DNAH7: variants seen among roughly 807,000 people sequenced by gnomAD.
DNAH7 encodes axonemal beta dynein heavy chain 7.
In DNAH7, 397 loss-of-function variants were observed where a neutral mutation model predicts 444.6. The observed-to-expected ratio is 0.89, with a 90% CI of 0.82 to 0.97. DNAH7 has a LOEUF of 0.97. Among genes scored for constraint, DNAH7 ranks in the 50% least tolerant of loss-of-function variants. The probability of loss-of-function intolerance (pLI) is 0.00; values close to 1 mark genes in which losing one functional copy is unlikely to be tolerated. For missense variants in DNAH7, 4,902 were observed against 4,800.8 expected (o/e 1.02, Z -0.62); for synonymous variants, 1,636 against 1,624.4 (o/e 1.01, Z -0.17).
chr2:196,065,748 T>G (rs1479227724), intron 1 of DNAH7, among the ~76,000 whole-genome samples: 1 of 152,198 alleles, frequency 6.6e-6, no homozygotes, highest in Non-Finnish European at 1.5e-5. Flanking sequence ...CTCATCAGGG[T>G]CTGAGAATAA....
intron 14 of DNAH7, 120 bp downstream of exon 14, chr2:195,986,946 A>C (rs1388353049): frequency 6.5e-6 from 6 of 922,946 alleles, no homozygotes; most frequent in Non-Finnish European, 6.2e-6. Flanking sequence ...TAAGTTTAGC[A>C]TAATCATTTC....
At chr2:195,770,048 T>C (rs1458208810) in intron 61 of DNAH7, among the ~76,000 whole-genome samples, 1 of 152,004 alleles carries the variant, frequency 6.6e-6, no homozygotes, top group Non-Finnish European at 1.5e-5. Context: ...CATTTAGGAG[T>C]TATCATTAAC....
chr2:195,828,059 C>G (rs1697868745), intron 48 of DNAH7, among the ~76,000 whole-genome samples: 1 of 152,088 alleles, frequency 6.6e-6, no homozygotes, highest in East Asian at 1.9e-4. Context: ...CCTTATCTAA[C>G]CTGGATTATT....
intron 58 of DNAH7, among the ~76,000 whole-genome samples, chr2:195,779,626 TGA>T (rs940149616): frequency 1.3e-5 from 2 of 152,190 alleles, no homozygotes; most frequent in African/African-American, 4.8e-5. Context: ...GTTTGTTTTT[TGA>T]GTCAGAGTCT....
intron 63 of DNAH7, among the ~76,000 whole-genome samples, chr2:195,745,783 T>C (rs985626775): frequency 3.3e-5 from 5 of 152,150 alleles, no homozygotes; most frequent in African/African-American, 4.8e-5. Context: ...TAAAATACTT[T>C]ACCGACAAGC....
At chr2:195,997,946 G>A (rs147814753) in intron 12 of DNAH7, among the ~76,000 whole-genome samples, 1 of 152,186 alleles carries the variant, frequency 6.6e-6, no homozygotes, top group East Asian at 1.9e-4. Flanking sequence ...CCTGGAATTT[G>A]GATCGTTCGT....
At position 196,014,406 on chromosome 2, in the gene DNAH7, C is replaced by T. The variant is rs1023448461; in HGVS notation, c.870-1500G>A. 7.9e-5 allele frequency among the ~76,000 whole-genome samples: 12 copies of T among 152,214 alleles called. No individual in the cohort carries two copies. In the South Asian group the frequency reaches 1.9e-3, roughly 24 times the overall value. Reference sequence around the variant, plus strand: ...AGTAGAACCGAACAGCTCCAAATCACCCAGACCATGAAACTCAGGACTGTC... The same window carrying T: ...AGTAGAACCGAACAGCTCCAAATCATCCAGACCATGAAACTCAGGACTGTC... On this transcript the variant is annotated intron_variant, in intron 9 of 64. Transcript: ENST00000312428.
chr2:196,053,629 G>C (rs534162880), intron 2 of DNAH7, among the ~76,000 whole-genome samples: 24 of 152,194 alleles, frequency 1.6e-4, no homozygotes, highest in African/African-American at 5.8e-4. Flanking sequence ...AGAAAATGCT[G>C]GTAACAAAAG....
chr2:195,816,713 T>C lies in DNAH7; in HGVS notation c.9676A>G (p.Met3226Val), dbSNP rs546440881. ...SLADLANIEP[M>V]YQYSLTWFIN... The stretch of plus-strand genomic sequence containing the variant: ...AACCAGGTCAGTGAATACTGGTACA[T>C]GGGCTCAATGTTGGCTAAATCAGCA... Residue 3226 changes from methionine (M) to valine (V), a missense_variant, in exon 51 of 65, where the codon ATG (methionine) becomes GTG (valine). Coordinates refer to ENST00000312428, the MANE Select transcript of DNAH7 (RefSeq NM_018897.3). 1.2e-6 allele frequency: 2 copies of C among 1,614,036 alleles called. No individual in the cohort carries two copies. The highest frequency in any genetic ancestry group is 1.7e-6 in the Non-Finnish European group (2 of 1,180,000).
At chr2:195,925,252 T>C (rs1688257364) in intron 22 of DNAH7, among the ~76,000 whole-genome samples, 1 of 152,102 alleles carries the variant, frequency 6.6e-6, no homozygotes. Context: ...TAGCAAAAAA[T>C]AAACTTCTGT....
At chr2:196,057,848 C>A (rs757773709) in intron 2 of DNAH7, among the ~76,000 whole-genome samples, 1 of 152,172 alleles carries the variant, frequency 6.6e-6, no homozygotes, top group Non-Finnish European at 1.5e-5. Context: ...CCTGTACATA[C>A]CTGAAAATTA....
At chr2:195,893,922 A>G (rs1170766284) in intron 30 of DNAH7, 2 of 152,096 alleles carry the variant, frequency 1.3e-5, no homozygotes, top group Non-Finnish European at 2.9e-5. Context: ...TATATAAAAG[A>G]TCAGTTCCTA....
At chr2:195,744,722 G>A (rs560719844) in intron 63 of DNAH7, among the ~76,000 whole-genome samples, 10 of 152,180 alleles carry the variant, frequency 6.6e-5, no homozygotes, top group African/African-American at 1.2e-4. Context: ...TGCAGCCACC[G>A]CTGCTGTTAC....
chr2:196,065,408 AT>A (rs1267346141), intron 1 of DNAH7, among the ~76,000 whole-genome samples: 3 of 152,206 alleles, frequency 2.0e-5, no homozygotes, highest in Admixed American at 2.0e-4. Context: ...AATCCAACTG[AT>A]TTATGGACAG....
chr2:195,810,625 C>CTT (rs372195832), intron 51 of DNAH7, among the ~76,000 whole-genome samples: 6,658 of 140,446 alleles, frequency 0.047, 221 homozygotes, highest in African/African-American at 0.099. Context: ...ATCATCCTAG[C>CTT]TTTTTTTTTT....
chr2:195,962,369 T>C (rs1045327791), intron 17 of DNAH7, among the ~76,000 whole-genome samples: 4 of 152,212 alleles, frequency 2.6e-5, no homozygotes, highest in Non-Finnish European at 5.9e-5. Flanking sequence ...TTGGTTGTTG[T>C]TGAGACAGTC....
chr2:195,950,713 G>A (rs915870464), intron 19 of DNAH7, among the ~76,000 whole-genome samples: 3 of 151,666 alleles, frequency 2.0e-5, no homozygotes, highest in Non-Finnish European at 2.9e-5. Context: ...TTAGCCAGGC[G>A]TGGTGGCGGG....
chr2:195,834,975 G>C (rs889899861), intron 47 of DNAH7, among the ~76,000 whole-genome samples: 1 of 152,158 alleles, frequency 6.6e-6, no homozygotes, highest in African/African-American at 2.4e-5. Flanking sequence ...TCTGTATTTA[G>C]TGTCATATAT....
intron 54 of DNAH7, among the ~76,000 whole-genome samples, chr2:195,804,547 T>C (rs1442110042): frequency 2.0e-5 from 3 of 152,218 alleles, no homozygotes; most frequent in African/African-American, 7.2e-5. Context: ...CATGAAAACT[T>C]ACTTCTTGTT....
Sources: allele counts gnomAD v4.1 joint callset (sites outside exome capture counted in the v4.1 genomes callset), GRCh38; gene constraint gnomAD v4.1.1; transcripts MANE v1.5; gene names NCBI Gene and HGNC (gene_info 2026-07-23, HGNC 2026-07-21).